Variants in TENM1 observed in about 807,000 individuals in gnomAD.
The protein encoded by TENM1 is teneurin-1.
TENM1 carries 35 observed loss-of-function variants against 174.8 expected under a neutral mutation model. The ratio of observed to expected loss-of-function variants is 0.20; its 90% CI spans 0.15 to 0.27. The LOEUF is 0.27. Ranked by LOEUF, TENM1 falls within the 10% of genes least tolerant of loss-of-function variation. The pLI is 1.00. For synonymous variants in TENM1, 781 were observed against 798.7 expected, an observed-to-expected ratio of 0.98 and a Z score of 0.37; for missense variants, 1,633 against 2,130.1, an observed-to-expected ratio of 0.77 and a Z score of 4.59.
At chrX:124,694,243 GT>G (rs1356373030) in intron 5 of TENM1, among the ~76,000 whole-genome samples, 1 of 111,528 alleles carries the variant, frequency 9.0e-6, no homozygotes, top group Middle Eastern at 4.6e-3. Flanking sequence ...TGTTCAAACA[GT>G]TTTTTAATGG....
the TENM1 span, among the ~76,000 whole-genome samples, chrX:124,984,846 A>G: frequency 8.9e-6 from 1 of 111,979 alleles, no homozygotes; most frequent in African/African-American, 3.2e-5. Context: ...GTCCTTATAT[A>G]TAAAATTCCT....
At chrX:124,767,716 A>C (rs1248593964) in intron 3 of TENM1, among the ~76,000 whole-genome samples, 2 of 111,291 alleles carry the variant, frequency 1.8e-5, no homozygotes, top group Non-Finnish European at 3.8e-5. Context: ...CCAACACTTA[A>C]CCAAATTGCT....
At chrX:124,642,877 G>A (rs898883054) in intron 10 of TENM1, among the ~76,000 whole-genome samples, 6 of 112,201 alleles carry the variant, frequency 5.3e-5, no homozygotes, top group East Asian at 5.6e-4. Context: ...TAATGAGGAC[G>A]TATGATTTGA....
At chrX:124,805,769 T>A (rs940453870) in intron 3 of TENM1, among the ~76,000 whole-genome samples, 4 of 113,070 alleles carry the variant, frequency 3.5e-5, no homozygotes, top group Admixed American at 1.9e-4. Flanking sequence ...CATGCCAGGC[T>A]TAGGGACCAG....
exon 32 of TENM1, chrX:124,376,646 A>T (rs2060105634): frequency 8.9e-6 from 1 of 112,445 alleles, no homozygotes. Context: ...AATAGCTTTC[A>T]CATGAAGGAC....
chrX:124,400,920 G>A (rs748528576), intron 27 of TENM1, among the ~76,000 whole-genome samples: 1 of 112,300 alleles, frequency 8.9e-6, no homozygotes, highest in African/African-American at 3.2e-5. Context: ...TGCAAGGAAG[G>A]AAGATGAGTC....
At chrX:125,200,256 T>C in the TENM1 span, among the ~76,000 whole-genome samples, 1 of 111,848 alleles carries the variant, frequency 8.9e-6, no homozygotes, top group Non-Finnish European at 1.9e-5. Context: ...CAATCTCCAT[T>C]CAAAGTAGTG....
chrX:125,100,766 C>T, the TENM1 span, among the ~76,000 whole-genome samples: 2 of 111,298 alleles, frequency 1.8e-5, no homozygotes, highest in African/African-American at 6.5e-5. Context: ...TGTTTTTCCC[C>T]TCCTTCTCCT....
chrX:124,582,972 C>T (rs111776009), intron 11 of TENM1, among the ~76,000 whole-genome samples: 2,198 of 112,171 alleles, frequency 0.02, 48 homozygotes, highest in African/African-American at 0.066. Context: ...ACTGCAGCGA[C>T]GCTGGGGGAG....
intron 10 of TENM1, among the ~76,000 whole-genome samples, chrX:124,643,460 C>G (rs1380504627): frequency 9.0e-6 from 1 of 111,418 alleles, no homozygotes; most frequent in Non-Finnish European, 1.9e-5. Context: ...TTGATTGCCA[C>G]CACGTAGCAA....
At chrX:124,688,296 C>T (rs1054221407) in intron 5 of TENM1, among the ~76,000 whole-genome samples, 4 of 107,337 alleles carry the variant, frequency 3.7e-5, no homozygotes, top group African/African-American at 1.4e-4. Context: ...TTCTTTTGTC[C>T]AGGCTGACAT....
chrX:124,482,285 C>T (rs2046862705), intron 21 of TENM1, among the ~76,000 whole-genome samples: 1 of 110,533 alleles, frequency 9.0e-6, no homozygotes, highest in African/African-American at 3.3e-5. Flanking sequence ...CAATTACCTA[C>T]TAGATCACTG....
At position 124,890,538 on chromosome X, in the gene TENM1, G is replaced by A. The variant is rs140776614; in HGVS notation, c.535+3758C>T. Among the ~76,000 whole-genome samples, 500 of 112,052 alleles carry A rather than the reference G, an allele frequency of 4.5e-3. 4 individuals carry two copies. The highest frequency in any genetic ancestry group is 0.016 in the African/African-American group (484 of 30,860). The stretch of plus-strand genomic sequence containing the variant: ...TGGGCAAAAGAATAGACATTTCTCA[G>A]AAGAAGACACATGAATGGCCAACAG... On this transcript the variant is annotated intron_variant, in intron 3 of 31. Coordinates refer to ENST00000422452, the Ensembl canonical transcript of TENM1.
intron 3 of TENM1, among the ~76,000 whole-genome samples, chrX:124,792,910 A>G (rs2055211095): frequency 8.9e-6 from 1 of 112,311 alleles, no homozygotes; most frequent in Non-Finnish European, 1.9e-5. Context: ...TTAGTTTGAA[A>G]ATAGACTAAT....
intron 25 of TENM1, among the ~76,000 whole-genome samples, chrX:124,410,856 C>G (rs372692512): frequency 1.8e-5 from 2 of 112,205 alleles, no homozygotes; most frequent in Admixed American, 1.9e-4. Context: ...GAAAGCTGAA[C>G]TTAGATGCTG....
At chrX:124,699,137 G>A (rs751771348) in intron 5 of TENM1, among the ~76,000 whole-genome samples, 2 of 111,636 alleles carry the variant, frequency 1.8e-5, no homozygotes, top group East Asian at 5.6e-4. Context: ...AATTTGGGTG[G>A]AGAGAAACTG....
chrX:124,762,091 A>G (rs2054432108), intron 3 of TENM1, among the ~76,000 whole-genome samples: 1 of 112,135 alleles, frequency 8.9e-6, no homozygotes, highest in Non-Finnish European at 1.9e-5. Flanking sequence ...ATTTTCTTCC[A>G]TGAAAAATAA....
chrX:124,758,782 A>G (rs1002382671), intron 3 of TENM1, among the ~76,000 whole-genome samples: 5 of 112,185 alleles, frequency 4.5e-5, no homozygotes, highest in African/African-American at 1.3e-4. Context: ...CAGACACAGA[A>G]GGACAAATAC....
intron 5 of TENM1, among the ~76,000 whole-genome samples, chrX:124,699,760 C>T (rs1431053445): frequency 9.0e-6 from 1 of 111,401 alleles, no homozygotes; most frequent in Non-Finnish European, 1.9e-5. Flanking sequence ...ATATATTATA[C>T]CAAAAGGTGA....
Sources: allele counts gnomAD v4.1 joint callset (sites outside exome capture counted in the v4.1 genomes callset), GRCh38; gene constraint gnomAD v4.1.1; transcripts MANE v1.5; gene names NCBI Gene and HGNC (gene_info 2026-07-23, HGNC 2026-07-21).